The following NELL1 variants were observed in gnomAD, a reference collection of about 807,000 sequenced individuals.
NELL1 encodes the protein protein kinase C-binding protein NELL1.
A neutral mutation model predicts 107.4 loss-of-function variants in NELL1; 76 were observed. The observed-to-expected ratio is 0.71, with a 90% CI of 0.59 to 0.86. NELL1 has a LOEUF of 0.86. NELL1 is among the 40% of genes least tolerant of loss of function. The pLI is 0.00. For missense variants in NELL1, 1,024 were observed against 1,005.5 expected (o/e 1.02, Z -0.25); for synonymous variants, 353 against 341.2 (o/e 1.03, Z -0.38).
chr11:20,736,265 G>A (rs1174812981), intron 2 of NELL1, among the ~76,000 whole-genome samples: 1 of 152,044 alleles, frequency 6.6e-6, no homozygotes, highest in African/African-American at 2.4e-5. Context: ...AAACACTCAC[G>A]GTGGGCAGGT....
At chr11:20,975,556 A>G (rs943960769) in intron 12 of NELL1, among the ~76,000 whole-genome samples, 3 of 140,336 alleles carry the variant, frequency 2.1e-5, no homozygotes, top group African/African-American at 7.9e-5. Flanking sequence ...ATATACATAT[A>G]TGTACAGATA....
chr11:20,776,320 T>C (rs968145344), intron 2 of NELL1, among the ~76,000 whole-genome samples: 1 of 152,006 alleles, frequency 6.6e-6, no homozygotes, highest in Non-Finnish European at 1.5e-5. Flanking sequence ...GCGCCTGTAG[T>C]CCCAGCTACT....
chr11:20,837,509 G>T (rs569018113), intron 3 of NELL1, among the ~76,000 whole-genome samples: 3 of 152,140 alleles, frequency 2.0e-5, no homozygotes, highest in Non-Finnish European at 4.4e-5. Flanking sequence ...ACACATAGTG[G>T]CCAAATCTTG....
At position 20,979,123 on chromosome 11, in the gene NELL1, A is replaced by G. The variant is rs183193591; in HGVS notation, c.1300+18563A>G. 5.1e-3 allele frequency among the ~76,000 whole-genome samples: 780 copies of G among 152,252 alleles called. 9 individuals are homozygous for G. Among genetic ancestry groups the G allele is most frequent in the African/African-American group, 0.018 (758 of 41,542 alleles). On this transcript the variant is annotated intron_variant, in intron 12 of 19. Transcript: ENST00000357134. ...AAGTTCTTCTCTTGAAAGGTCAATG[A>G]GCTTTTCCATAATTTTTAGCTGCTG...
Position 21,570,933 on chromosome 11 carries a change from G to T in NELL1, c.2150G>T (p.Arg717Leu), listed in dbSNP as rs778166694. The T allele has an allele frequency of 1.9e-6, 3 of 1,610,564 alleles. No individual in the cohort carries two copies. Among genetic ancestry groups the T allele is most frequent in the Non-Finnish European group, 1.7e-6 (2 of 1,177,864 alleles). ...TGGACCCATAGCTGTCAGCAGTGTC[G>T]GTGTCTGGTATGTTGGCTTCCTTTA... ...DNWTHSCQQC[R>L]CLEGEVDCWP... The change falls in exon 18 of 20, where the codon CGG becomes CTG. Residue 717 changes from arginine (R) to leucine (L), a missense_variant. By Grantham distance (102) the Arg-to-Leu change is moderately radical (BLOSUM62 -2). Coordinates refer to ENST00000357134, the MANE Select transcript of NELL1 (RefSeq NM_006157.5).
intron 16 of NELL1, among the ~76,000 whole-genome samples, chr11:21,546,453 T>C (rs1856444931): frequency 1.3e-5 from 2 of 151,990 alleles, no homozygotes; most frequent in Admixed American, 6.6e-5. Flanking sequence ...TCATTTTGAA[T>C]TGTAGCTTCA....
At chr11:21,088,052 A>T (rs1854435463) in intron 12 of NELL1, among the ~76,000 whole-genome samples, 1 of 138,268 alleles carries the variant, frequency 7.2e-6, no homozygotes, top group Non-Finnish European at 1.6e-5. Flanking sequence ...TGTGAGTCCC[A>T]GTAGCTCTGT....
intron 16 of NELL1, among the ~76,000 whole-genome samples, chr11:21,541,324 C>T (rs1027345415): frequency 2.6e-5 from 4 of 152,032 alleles, no homozygotes; most frequent in African/African-American, 4.8e-5. Flanking sequence ...CTGTAAATGG[C>T]ACAGTGAGGA....
intron 12 of NELL1, among the ~76,000 whole-genome samples, chr11:20,968,235 A>C (rs1253463951): frequency 6.6e-6 from 1 of 152,110 alleles, no homozygotes; most frequent in Non-Finnish European, 1.5e-5. Flanking sequence ...TTAAAGTTTT[A>C]TTATCTGACC....
At chr11:20,768,426 C>T (rs913748161) in intron 2 of NELL1, among the ~76,000 whole-genome samples, 3 of 152,190 alleles carry the variant, frequency 2.0e-5, no homozygotes, top group Admixed American at 2.0e-4. Context: ...GCCTTTCAGG[C>T]CATGGCAAGG....
intron 14 of NELL1, among the ~76,000 whole-genome samples, chr11:21,352,060 C>T (rs1403329785): frequency 2.0e-5 from 3 of 152,104 alleles, no homozygotes; most frequent in Non-Finnish European, 1.5e-5. Context: ...AGCCTTTATG[C>T]TAAGCTATTC....
intron 16 of NELL1, 107 bp downstream of exon 16, chr11:21,534,621 G>T (rs1856086564): frequency 6.8e-6 from 8 of 1,181,512 alleles, no homozygotes; most frequent in South Asian, 1.4e-5. Flanking sequence ...ACCATTCATT[G>T]GTTAAATGCA....
chr11:20,925,862 A>G (rs1850485324), intron 7 of NELL1, among the ~76,000 whole-genome samples: 1 of 152,226 alleles, frequency 6.6e-6, no homozygotes, highest in Admixed American at 6.5e-5. Context: ...TTACATGTGG[A>G]TTCCATTTCC....
intron 10 of NELL1, among the ~76,000 whole-genome samples, chr11:20,940,398 T>G (rs1054028259): frequency 1.3e-5 from 2 of 152,106 alleles, no homozygotes; most frequent in African/African-American, 2.4e-5. Flanking sequence ...TAGCTGGAAT[T>G]AAGAGCTGCG....
At position 21,183,654 on chromosome 11, in the gene NELL1, G is replaced by A. The variant is rs377022280; in HGVS notation, c.1427-45678G>A. Among the ~76,000 whole-genome samples, 7 of 151,822 alleles carry A rather than the reference G, an allele frequency of 4.6e-5. 1 individual carries two copies. The East Asian group carries it at 7.7e-4, about 17-fold the overall frequency. Reference sequence around the variant, plus strand: ...AAAACGCAGGTTGAGATTTTCACTCGTATTTCAAGGATGTTTCCCAGTTGG... The same window carrying A: ...AAAACGCAGGTTGAGATTTTCACTCATATTTCAAGGATGTTTCCCAGTTGG... On this transcript the variant is annotated intron_variant, in intron 13 of 19. Coordinates refer to ENST00000357134, the MANE Select transcript of NELL1 (RefSeq NM_006157.5).
At chr11:20,734,020 A>G (rs2133925508) in intron 2 of NELL1, among the ~76,000 whole-genome samples, 1 of 152,316 alleles carries the variant, frequency 6.6e-6, no homozygotes, top group Middle Eastern at 3.4e-3. Flanking sequence ...AAATGCTTAG[A>G]AAAGTCCTCA....
At chr11:21,282,297 T>C (rs1242846212) in intron 14 of NELL1, among the ~76,000 whole-genome samples, 2 of 152,040 alleles carry the variant, frequency 1.3e-5, no homozygotes, top group East Asian at 3.9e-4. Context: ...TACAATAAGA[T>C]ATAATCTCAG....
chr11:20,755,542 TTTTTTTTGTTTTTGTTTTTG>T (rs1856246520), intron 2 of NELL1, among the ~76,000 whole-genome samples: 3 of 39,862 alleles, frequency 7.5e-5, no homozygotes, highest in African/African-American at 2.5e-4. Flanking sequence ...GGGTTTTTGT[TTTTTTTTGTTTTTGTTTTTG>T]TTTTTTTTTT....
At chr11:21,045,486 A>T (rs1853333045) in intron 12 of NELL1, among the ~76,000 whole-genome samples, 2 of 152,188 alleles carry the variant, frequency 1.3e-5, no homozygotes, top group South Asian at 4.1e-4. Flanking sequence ...GTTCAAATAC[A>T]CTTGGTAAAC....
Sources: allele counts gnomAD v4.1 joint callset (sites outside exome capture counted in the v4.1 genomes callset), GRCh38; gene constraint gnomAD v4.1.1; transcripts MANE v1.5; gene names NCBI Gene and HGNC (gene_info 2026-07-23, HGNC 2026-07-21).